Variants in SMAP1 observed in about 807,000 individuals in gnomAD.
SMAP1 encodes the protein stromal membrane-associated protein 1.
Under a neutral mutation model 58.5 loss-of-function variants are expected in SMAP1, and 24 were observed. That is an observed-to-expected ratio of 0.41 (90% CI 0.30 to 0.58). The LOEUF (loss-of-function observed/expected upper bound fraction) is 0.58, where lower values mean the gene tolerates loss of function less well. SMAP1 is among the 20% of genes least tolerant of loss of function. The pLI is 0.29. For missense variants in SMAP1, 563 were observed against 566.3 expected, an observed-to-expected ratio of 0.99 and a Z score of 0.06; for synonymous variants, 216 against 196.6, an observed-to-expected ratio of 1.10 and a Z score of -0.82.
chr6:70,754,030 C>T (rs1262616395), intron 2 of SMAP1, among the ~76,000 whole-genome samples: 7 of 152,134 alleles, frequency 4.6e-5, no homozygotes, highest in Non-Finnish European at 7.4e-5. Context: ...TACAACTCAA[C>T]GCAGATGTCA....
At chr6:70,724,085 G>T (rs1300376461) in intron 1 of SMAP1, among the ~76,000 whole-genome samples, 1 of 150,506 alleles carries the variant, frequency 6.6e-6, no homozygotes, top group Non-Finnish European at 1.5e-5. Flanking sequence ...AATTTTAGAA[G>T]AATTAACTAT....
intron 6 of SMAP1, among the ~76,000 whole-genome samples, chr6:70,813,272 C>T (rs181460787): frequency 5.9e-5 from 9 of 152,028 alleles, no homozygotes; most frequent in African/African-American, 2.2e-4. Flanking sequence ...TTTGCTTCTC[C>T]AACTGAGTAA....
chr6:70,709,085 TTG>T (rs55755309), intron 1 of SMAP1, among the ~76,000 whole-genome samples: 76,919 of 150,930 alleles, frequency 0.51, 19,890 homozygotes, highest in African/African-American at 0.56. Context: ...AAGGAGGTTT[TTG>T]TGTGTGTGTG....
At chr6:70,769,771 A>G (rs1767187116) in intron 3 of SMAP1, among the ~76,000 whole-genome samples, 1 of 152,120 alleles carries the variant, frequency 6.6e-6, no homozygotes, top group African/African-American at 2.4e-5. Flanking sequence ...TAATATTGTT[A>G]TGTGTGAATT....
intron 1 of SMAP1, among the ~76,000 whole-genome samples, chr6:70,720,938 G>A (rs748702683): frequency 3.9e-5 from 6 of 152,188 alleles, no homozygotes; most frequent in Non-Finnish European, 5.9e-5. Context: ...CCATGGTCAC[G>A]GGGATTAATA....
chr6:70,847,528 T>A (rs1246551338), intron 7 of SMAP1, among the ~76,000 whole-genome samples: 1 of 152,188 alleles, frequency 6.6e-6, no homozygotes, highest in African/African-American at 2.4e-5. Flanking sequence ...AGGTTTGATG[T>A]CTTGCCTTTA....
intron 1 of SMAP1, among the ~76,000 whole-genome samples, chr6:70,693,652 AG>A (rs1275904088): frequency 6.6e-6 from 1 of 152,098 alleles, no homozygotes; most frequent in Non-Finnish European, 1.5e-5. Flanking sequence ...TGCTTTGGGT[AG>A]TGTGGACATT....
chr6:70,672,111 G>A (rs1643440118), intron 1 of SMAP1, among the ~76,000 whole-genome samples: 1 of 152,198 alleles, frequency 6.6e-6, no homozygotes, highest in African/African-American at 2.4e-5. Flanking sequence ...ATTGTATTAG[G>A]TAAGAGAGCT....
At chr6:70,789,774 T>C (rs1235545056) in intron 4 of SMAP1, among the ~76,000 whole-genome samples, 2 of 151,412 alleles carry the variant, frequency 1.3e-5, no homozygotes, top group African/African-American at 2.4e-5. Context: ...AAAAGGTTTT[T>C]ACTTGAGTCC....
intron 5 of SMAP1, among the ~76,000 whole-genome samples, chr6:70,795,501 A>C (rs1768566422): frequency 6.6e-6 from 1 of 152,182 alleles, no homozygotes; most frequent in African/African-American, 2.4e-5. Flanking sequence ...GCCCTCATAT[A>C]GTGGGAAAGG....
At position 70,861,636 on chromosome 6, in the gene SMAP1, A is replaced by C. The variant is rs755643704; in HGVS notation, c.*1302A>C. ...TCTTCCATATGGATCCACTGGCTGG[A>C]CAAACTGCACCAGTTGCTGCTTCAA... On this transcript the variant is annotated 3_prime_UTR_variant, in exon 11 of 11. Coordinates refer to ENST00000370455, the MANE Select transcript of SMAP1 (RefSeq NM_001044305.3). 1 of 1,603,084 alleles carries C rather than the reference A, an allele frequency of 6.2e-7. No homozygotes were observed.
At chr6:70,753,168 G>GA (rs1165419102) in intron 2 of SMAP1, among the ~76,000 whole-genome samples, 4 of 151,142 alleles carry the variant, frequency 2.6e-5, no homozygotes, top group African/African-American at 7.3e-5. Context: ...GGACCAATAA[G>GA]AAAAAAAATA....
intron 1 of SMAP1, chr6:70,668,531 T>C: frequency 6.6e-7 from 1 of 1,521,438 alleles, no homozygotes; most frequent in East Asian, 2.5e-5. Context: ...CTCATAGCTA[T>C]CTCTGTGGGT....
chr6:70,698,740 T>A (rs1767510909), intron 1 of SMAP1, among the ~76,000 whole-genome samples: 1 of 134,112 alleles, frequency 7.5e-6, no homozygotes, highest in African/African-American at 2.8e-5. Context: ...GCTTGATTTT[T>A]AGTTATTTCA....
intron 6 of SMAP1, among the ~76,000 whole-genome samples, chr6:70,826,218 A>G (rs747097618): frequency 1.3e-5 from 2 of 152,210 alleles, no homozygotes; most frequent in Non-Finnish European, 2.9e-5. Flanking sequence ...GAATAATAAG[A>G]AACTTTTTAG....
chr6:70,845,092 A>G (rs549730408), intron 7 of SMAP1, among the ~76,000 whole-genome samples: 1 of 152,338 alleles, frequency 6.6e-6, no homozygotes, highest in East Asian at 1.9e-4. Context: ...TCAGTCAAAA[A>G]TGGTAATGAA....
rs1425724904 is a variant in SMAP1 at position 70,856,644 on chromosome 6, C to G, written c.790-215C>G. 10 of 394,946 alleles carry G rather than the reference C, an allele frequency of 2.5e-5. No individual in the cohort carries two copies. The East Asian group carries it at 3.4e-4, about 13-fold the overall frequency. 24.5% of individuals were successfully genotyped at this position (394,946 alleles called of 1,614,324 possible). A position where few individuals can be genotyped will look rare whatever the true frequency, so the allele number is the denominator to read the frequency against. ...TTACTGTGAAAATGCTTCAGTCTAC[C>G]TACATTAACAGATTCAAATTAAGAA... On this transcript the variant is annotated intron_variant, in intron 8 of 10. Coordinates refer to ENST00000370455, the MANE Select transcript of SMAP1 (RefSeq NM_001044305.3).
intron 1 of SMAP1, among the ~76,000 whole-genome samples, chr6:70,681,186 A>G (rs1766696371): frequency 6.6e-6 from 1 of 152,102 alleles, no homozygotes; most frequent in Non-Finnish European, 1.5e-5. Context: ...TGGGAGGCCA[A>G]CGCAGGTGAC....
At chr6:70,750,955 A>C (rs1003966987) in intron 2 of SMAP1, among the ~76,000 whole-genome samples, 1 of 152,138 alleles carries the variant, frequency 6.6e-6, no homozygotes, top group African/African-American at 2.4e-5. Flanking sequence ...AATATGTTCA[A>C]TTGGCAGGGT....
Sources: gnomAD v4.1 joint callset for allele counts (sites outside exome capture counted in the v4.1 genomes callset) on GRCh38, gnomAD v4.1.1 for gene constraint, MANE v1.5 for transcripts, NCBI Gene and HGNC (gene_info 2026-07-23, HGNC 2026-07-21) for gene names.